The following DRC11 variants were observed in gnomAD, a reference collection of about 807,000 sequenced individuals.
DRC11 encodes the protein IQ and AAA domain-containing protein 1.
chr2:236,313,625 T>C, the DRC11 span, among the ~76,000 whole-genome samples: 1 of 152,200 alleles, frequency 6.6e-6, no homozygotes, highest in African/African-American at 2.4e-5. The surrounding 1 kb of genome is among the most constrained non-coding windows in gnomAD (Gnocchi z 4.5). Context: ...CATAGCAACT[T>C]TATTTGTAAC....
chr2:236,502,988 G>T, the DRC11 span, among the ~76,000 whole-genome samples: 50 of 152,178 alleles, frequency 3.3e-4, no homozygotes, highest in Middle Eastern at 3.4e-3. Flanking sequence ...AAAGACAGAA[G>T]ACTTTCAAGA....
chr2:236,364,083 C>CTGCAACAG, the DRC11 span: 6 of 952,306 alleles, frequency 6.3e-6, no homozygotes, highest in Non-Finnish European at 7.9e-6. Context: ...ACTCCACTTT[C>CTGCAACAG]TGCAACAGTG....
At chr2:236,409,820 G>C in the DRC11 span, among the ~76,000 whole-genome samples, 16 of 152,028 alleles carry the variant, frequency 1.1e-4, no homozygotes, top group African/African-American at 7.3e-5. Context: ...TAGCATGAAG[G>C]GTTGCTGAAT....
chr2:236,389,009 G>GT, the DRC11 span, among the ~76,000 whole-genome samples: 1 of 152,026 alleles, frequency 6.6e-6, no homozygotes, highest in African/African-American at 2.4e-5. Context: ...TGAGGAGGCA[G>GT]TCTGCCCGTT....
chr2:236,464,508 CTCTGATGAATACCTTTTACAAACCA>C, the DRC11 span, among the ~76,000 whole-genome samples: 1 of 145,554 alleles, frequency 6.9e-6, no homozygotes, highest in Non-Finnish European at 1.6e-5. Flanking sequence ...TAGAAAAATT[CTCTGATGAATACCTTTTACAAACCA>C]TCTTTTGTAA....
the DRC11 span, among the ~76,000 whole-genome samples, chr2:236,362,246 C>T: frequency 1.3e-5 from 2 of 152,076 alleles, no homozygotes; most frequent in African/African-American, 4.8e-5. This position sits in a 1 kb window ranked among gnomAD's most constrained non-coding sequence, Gnocchi z 5.7. Flanking sequence ...AAAACAATAA[C>T]CCAATGAAAG....
the DRC11 span, among the ~76,000 whole-genome samples, chr2:236,357,665 T>A: frequency 1.1e-5 from 1 of 87,244 alleles, no homozygotes; most frequent in Non-Finnish European, 2.6e-5. Flanking sequence ...ATATTCATAA[T>A]ACATAAATAT....
chr2:236,333,854 T>C, the DRC11 span, among the ~76,000 whole-genome samples: 65 of 152,284 alleles, frequency 4.3e-4, 2 homozygotes, highest in African/African-American at 1.5e-3. This position sits in a 1 kb window ranked among gnomAD's most constrained non-coding sequence, Gnocchi z 6.0. Context: ...GGGTGAACTG[T>C]ACCGTGGGGC....
the DRC11 span, among the ~76,000 whole-genome samples, chr2:236,410,317 T>C: frequency 1.3e-5 from 2 of 152,078 alleles, no homozygotes; most frequent in Non-Finnish European, 2.9e-5. Flanking sequence ...GAGATTCAAC[T>C]TCTTCCTGGT....
the DRC11 span, among the ~76,000 whole-genome samples, chr2:236,456,715 G>A: frequency 6.6e-6 from 1 of 152,232 alleles, no homozygotes; most frequent in African/African-American, 2.4e-5. The surrounding 1 kb of genome is among the most constrained non-coding windows in gnomAD (Gnocchi z 5.4). Context: ...CCTGATGGGA[G>A]TGGGGTAGAG....
the DRC11 span, among the ~76,000 whole-genome samples, chr2:236,323,968 C>T: frequency 5.3e-5 from 8 of 152,166 alleles, no homozygotes; most frequent in Non-Finnish European, 1.0e-4. The surrounding 1 kb of genome is among the most constrained non-coding windows in gnomAD (Gnocchi z 6.4). Context: ...TGGTTTTCAT[C>T]CAGTCATTGG....
the DRC11 span, among the ~76,000 whole-genome samples, chr2:236,410,011 C>T: frequency 6.6e-6 from 1 of 152,084 alleles, no homozygotes; most frequent in Non-Finnish European, 1.5e-5. Context: ...TTCGGTTTGC[C>T]AGCATTTTAT....
chr2:236,385,136 C>T, the DRC11 span, among the ~76,000 whole-genome samples: 91 of 151,752 alleles, frequency 6.0e-4, no homozygotes, highest in South Asian at 4.2e-3. Context: ...ATTGACTTGG[C>T]GACGCGGGCT....
the DRC11 span, among the ~76,000 whole-genome samples, chr2:236,359,233 T>G: frequency 1.3e-5 from 2 of 152,092 alleles, no homozygotes; most frequent in African/African-American, 2.4e-5. The surrounding 1 kb of genome is among the most constrained non-coding windows in gnomAD (Gnocchi z 4.3). Context: ...TATATATATA[T>G]AGTCTACAAG....
chr2:236,412,333 TC>T, the DRC11 span, among the ~76,000 whole-genome samples: 8 of 152,306 alleles, frequency 5.3e-5, no homozygotes, highest in Admixed American at 1.3e-4. Context: ...GCTGTTCCCA[TC>T]CCCCAGTTGG....
At chr2:236,396,164 A>G in the DRC11 span, among the ~76,000 whole-genome samples, 2 of 151,884 alleles carry the variant, frequency 1.3e-5, no homozygotes, top group African/African-American at 4.8e-5. Context: ...ACATTTATAA[A>G]TGCAGGAAGC....
the DRC11 span, among the ~76,000 whole-genome samples, chr2:236,493,420 G>A: frequency 6.6e-6 from 1 of 152,174 alleles, no homozygotes; most frequent in East Asian, 1.9e-4. Context: ...AGTAAGTTAT[G>A]TCAGCACTTA....
chr2:236,429,447 G>T, the DRC11 span, among the ~76,000 whole-genome samples: 1 of 152,190 alleles, frequency 6.6e-6, no homozygotes, highest in Non-Finnish European at 1.5e-5. The surrounding 1 kb of genome is among the most constrained non-coding windows in gnomAD (Gnocchi z 5.9). Context: ...ACAGTGTGGG[G>T]ATAGTTGCTG....
the DRC11 span, among the ~76,000 whole-genome samples, chr2:236,491,192 A>ATATATATATACACACAG: frequency 8.1e-5 from 4 of 49,672 alleles, no homozygotes; most frequent in African/African-American, 3.6e-4. Flanking sequence ...CACACAGTAT[A>ATATATATATACACACAG]TATATATATA....
Sources: gnomAD v4.1 joint callset for allele counts (sites outside exome capture counted in the v4.1 genomes callset) on GRCh38, gnomAD v4.1.1 for gene constraint, Gnocchi (gnomAD v3.1) non-coding constraint, MANE v1.5 for transcripts, NCBI Gene and HGNC (gene_info 2026-07-23, HGNC 2026-07-21) for gene names.